CDH13: variants seen among roughly 807,000 people sequenced by gnomAD.
CDH13 encodes cadherin-13.
CDH13 carries 24 observed loss-of-function variants against 63.8 expected under a neutral mutation model. The ratio of observed to expected loss-of-function variants is 0.38; its 90% CI spans 0.27 to 0.53. The LOEUF (loss-of-function observed/expected upper bound fraction) is 0.53, where lower values mean the gene tolerates loss of function less well. Among genes scored for constraint, CDH13 ranks in the 20% least tolerant of loss-of-function variants. CDH13 has a pLI of 0.85. For synonymous variants in CDH13, 503 were observed against 355.3 expected (o/e 1.42, Z -4.67); for missense variants, 1,049 against 903.1 (o/e 1.16, Z -2.07).
chr16:82,670,391 C>T (rs977413617), intron 1 of CDH13, among the ~76,000 whole-genome samples: 3 of 152,198 alleles, frequency 2.0e-5, no homozygotes, highest in Non-Finnish European at 4.4e-5. Flanking sequence ...TTCTCCTTCA[C>T]GCACCTATGG....
chr16:83,569,143 G>A (rs562427232), intron 7 of CDH13, among the ~76,000 whole-genome samples: 16 of 151,926 alleles, frequency 1.1e-4, no homozygotes, highest in South Asian at 4.2e-4. Context: ...GACCTTGCCT[G>A]CCCTCTGTGC....
rs1018466001 is a variant in CDH13 at position 82,823,047 on chromosome 16, C to T, written c.46-35315C>T. On this transcript the variant is annotated intron_variant, in intron 1 of 13. Transcript: ENST00000567109. ...CTGCCTTGACATCTCTCTATGGTCTCTGCAGCACCAAGGCTTACAGGTAGC... is the reference window on the plus strand; with the variant it reads ...CTGCCTTGACATCTCTCTATGGTCTTTGCAGCACCAAGGCTTACAGGTAGC... Among the ~76,000 whole-genome samples the T allele has an allele frequency of 4.8e-4, 73 of 152,176 alleles. 2 individuals are homozygous for T. Among genetic ancestry groups the T allele is most frequent in the Non-Finnish European group, 1.5e-5 (1 of 68,034 alleles).
chr16:83,681,856 A>C lies in CDH13; in HGVS notation c.1538+3395A>C, dbSNP rs184214440. ...CTGCGCTGGGCTACCCCGGCTTCTC[A>C]GACAGATGCAACGGCCTTCCAAGTT... On this transcript the variant is annotated intron_variant, in intron 10 of 13. Transcript: ENST00000567109. Among the ~76,000 whole-genome samples the C allele has an allele frequency of 4.6e-5, 7 of 151,912 alleles. No individual in the cohort carries two copies. The East Asian group carries it at 1.4e-3, about 30-fold the overall frequency.
chr16:83,690,339 G>T (rs1048030568), intron 10 of CDH13, among the ~76,000 whole-genome samples: 2 of 152,194 alleles, frequency 1.3e-5, no homozygotes, highest in Non-Finnish European at 2.9e-5. Context: ...TAGATAGAGG[G>T]TCAGCAGAAG....
At chr16:83,519,489 G>A (rs990821141) in intron 7 of CDH13, among the ~76,000 whole-genome samples, 6 of 152,166 alleles carry the variant, frequency 3.9e-5, no homozygotes, top group African/African-American at 9.7e-5. Context: ...CCTTATTTGA[G>A]GGTATTTGAG....
chr16:82,715,406 G>A (rs79471751), intron 1 of CDH13, among the ~76,000 whole-genome samples: 13,830 of 152,112 alleles, frequency 0.091, 780 homozygotes, highest in East Asian at 0.26. Flanking sequence ...GTTTCTGCTT[G>A]CACCTTATTA....
chr16:83,477,063 C>T (rs1373288963), intron 6 of CDH13, among the ~76,000 whole-genome samples: 1 of 152,146 alleles, frequency 6.6e-6, no homozygotes, highest in Non-Finnish European at 1.5e-5. Context: ...CCATGTGTCA[C>T]CTAATATGTC....
chr16:83,188,769 G>C (rs1393909556), intron 4 of CDH13, among the ~76,000 whole-genome samples: 1 of 152,212 alleles, frequency 6.6e-6, no homozygotes, highest in Non-Finnish European at 1.5e-5. Flanking sequence ...GAGGTGGTTA[G>C]GATTAATGAC....
At chr16:83,687,842 A>C (rs1334639571) in intron 10 of CDH13, among the ~76,000 whole-genome samples, 1 of 152,206 alleles carries the variant, frequency 6.6e-6, no homozygotes, top group East Asian at 1.9e-4. Flanking sequence ...GCCTTGATCC[A>C]AATTGAGCCT....
intron 10 of CDH13, among the ~76,000 whole-genome samples, chr16:83,679,578 T>G (rs916763341): frequency 2.0e-5 from 3 of 152,222 alleles, no homozygotes; most frequent in African/African-American, 7.2e-5. Context: ...GACAAGCGTG[T>G]GAAATAATAC....
chr16:83,658,188 C>T (rs1197779620), intron 8 of CDH13, among the ~76,000 whole-genome samples: 1 of 149,350 alleles, frequency 6.7e-6, no homozygotes, highest in Non-Finnish European at 1.5e-5. Context: ...GTCCCATATC[C>T]TCACCAGCAA....
intron 1 of CDH13, among the ~76,000 whole-genome samples, chr16:82,730,454 C>G (rs975455074): frequency 3.3e-5 from 5 of 152,142 alleles, no homozygotes; most frequent in African/African-American, 9.7e-5. Context: ...AGCAGTAAGG[C>G]CATACACATA....
intron 2 of CDH13, among the ~76,000 whole-genome samples, chr16:83,025,331 T>C (rs1025787901): frequency 6.6e-6 from 1 of 152,158 alleles, no homozygotes; most frequent in African/African-American, 2.4e-5. Flanking sequence ...GACAGGGTAA[T>C]TTATAAAGAA....
At chr16:83,505,984 G>A (rs1396893941) in intron 7 of CDH13, among the ~76,000 whole-genome samples, 1 of 152,192 alleles carries the variant, frequency 6.6e-6, no homozygotes, top group African/African-American at 2.4e-5. Context: ...GAGAGTCACA[G>A]GGAGTATTTA....
intron 1 of CDH13, among the ~76,000 whole-genome samples, chr16:82,711,193 A>T (rs2031914787): frequency 6.6e-6 from 1 of 152,126 alleles, no homozygotes; most frequent in Non-Finnish European, 1.5e-5. Flanking sequence ...AATAATGACT[A>T]TGAGGGACAC....
At chr16:83,239,734 T>C (rs1165673763) in intron 5 of CDH13, among the ~76,000 whole-genome samples, 4 of 152,168 alleles carry the variant, frequency 2.6e-5, no homozygotes, top group African/African-American at 9.7e-5. Flanking sequence ...TATCAATCAC[T>C]ATTCAAGGCA....
chr16:83,506,609 C>G (rs1174537865), intron 7 of CDH13, among the ~76,000 whole-genome samples: 1 of 152,226 alleles, frequency 6.6e-6, no homozygotes. Flanking sequence ...ATTCTCACCT[C>G]ATGGTACCCA....
intron 7 of CDH13, among the ~76,000 whole-genome samples, chr16:83,569,643 C>G (rs992139149): frequency 3.3e-5 from 5 of 152,214 alleles, no homozygotes; most frequent in African/African-American, 7.2e-5. Context: ...TTTCTGTCCT[C>G]TCTTCACAAA....
chr16:83,014,828 T>TTGTATATTTG (rs1555562641), intron 2 of CDH13, among the ~76,000 whole-genome samples: 2 of 87,814 alleles, frequency 2.3e-5, no homozygotes, highest in African/African-American at 9.7e-5. Context: ...ATATATATAT[T>TTGTATATTTG]TGTATATATA....
Sources: gnomAD v4.1 joint callset for allele counts (sites outside exome capture counted in the v4.1 genomes callset) on GRCh38, gnomAD v4.1.1 for gene constraint, MANE v1.5 for transcripts, NCBI Gene and HGNC (gene_info 2026-07-23, HGNC 2026-07-21) for gene names.